Variants in CEP70 observed in about 807,000 individuals in gnomAD.
CEP70 encodes centrosomal protein 70.
A neutral mutation model predicts 90.9 loss-of-function variants in CEP70; 70 were observed. The ratio of observed to expected loss-of-function variants is 0.77; its 90% CI spans 0.64 to 0.94. CEP70 has a LOEUF of 0.94. Among genes scored for constraint, CEP70 ranks in the 40% least tolerant of loss-of-function variants. The probability of loss-of-function intolerance (pLI) is 0.00; values close to 1 mark genes in which losing one functional copy is unlikely to be tolerated. For missense variants in CEP70, 648 were observed against 669.0 expected (o/e 0.97, Z 0.35); for synonymous variants, 220 against 228.3 (o/e 0.96, Z 0.33).
intron 11 of CEP70, among the ~76,000 whole-genome samples, chr3:138,521,663 G>T (rs957120023): frequency 6.6e-6 from 1 of 151,290 alleles, no homozygotes; most frequent in African/African-American, 2.4e-5. Flanking sequence ...ACCCCGTCTG[G>T]GAACTGAGGA....
intron 6 of CEP70, among the ~76,000 whole-genome samples, chr3:138,554,015 G>A (rs778650820): frequency 1.3e-5 from 2 of 151,818 alleles, no homozygotes; most frequent in Non-Finnish European, 2.9e-5. Context: ...TGGCCAACAT[G>A]GTGAATGAAA....
Position 138,494,891 on chromosome 3 carries a change from T to TAAG in CEP70, c.*121_*123dup. 1.6e-6 allele frequency: 1 copy of TAAG among 617,710 alleles called. No homozygotes were observed. The highest frequency in any genetic ancestry group is 2.9e-5 in the East Asian group (1 of 35,058). 38.3% of individuals were successfully genotyped at this position (617,710 alleles called of 1,614,324 possible). On this transcript the variant is annotated 3_prime_UTR_variant, in exon 18 of 18. Coordinates refer to ENST00000264982, the MANE Select transcript of CEP70 (RefSeq NM_024491.4). Reference sequence around the variant, plus strand: ...ATACAGATGAAGAATGACCTAATACTAAGAAGGGGATGAATTCTGAGAGCA... The same window carrying TAAG: ...ATACAGATGAAGAATGACCTAATACTAAGAAGAAGGGGATGAATTCTGAGAGCA...
intron 11 of CEP70, among the ~76,000 whole-genome samples, chr3:138,517,530 G>A (rs943327154): frequency 9.8e-5 from 15 of 152,320 alleles, no homozygotes; most frequent in African/African-American, 3.4e-4. Context: ...TTAGCCAGGG[G>A]TGGTGGCAGG....
intron 10 of CEP70, among the ~76,000 whole-genome samples, chr3:138,527,913 A>C (rs960422518): frequency 6.6e-6 from 1 of 151,820 alleles, no homozygotes; most frequent in East Asian, 1.9e-4. Context: ...TAACTGTTTC[A>C]TAGGTGTATA....
chr3:138,536,660 TAAG>T (rs1293257791), intron 7 of CEP70, among the ~76,000 whole-genome samples: 1 of 151,806 alleles, frequency 6.6e-6, no homozygotes, highest in Non-Finnish European at 1.5e-5. Flanking sequence ...ATATTGTTCT[TAAG>T]AATGATTTTC....
chr3:138,546,296 T>C (rs1176143220), intron 6 of CEP70, among the ~76,000 whole-genome samples: 1 of 152,190 alleles, frequency 6.6e-6, no homozygotes, highest in African/African-American at 2.4e-5. Flanking sequence ...AGCTAGTATG[T>C]ATCAATAAAA....
intron 10 of CEP70, among the ~76,000 whole-genome samples, chr3:138,526,044 CAT>C (rs1384975246): frequency 6.6e-6 from 1 of 152,168 alleles, no homozygotes; most frequent in African/African-American, 2.4e-5. Flanking sequence ...ATTTTTACTA[CAT>C]ATTTATATAA....
rs575230573 is a variant in CEP70 at position 138,555,332 on chromosome 3, T to C, written c.465+14986A>G. On this transcript the variant is annotated intron_variant, in intron 6 of 17. Coordinates refer to ENST00000264982, the MANE Select transcript of CEP70 (RefSeq NM_024491.4). ...CCTAAACCATAAAAATTCTAGAATA[T>C]AGTATCAGAAAAACCCTTCTAGACA... 4.0e-5 allele frequency among the ~76,000 whole-genome samples: 6 copies of C among 150,406 alleles called. No individual in the cohort carries two copies. The East Asian group carries it at 9.8e-4, about 25-fold the overall frequency.
chr3:138,565,232 G>A (rs1435331485), intron 6 of CEP70, among the ~76,000 whole-genome samples: 1 of 152,168 alleles, frequency 6.6e-6, no homozygotes, highest in Non-Finnish European at 1.5e-5. Context: ...CATGCTCATA[G>A]ATAGGAAGAA....
intron 6 of CEP70, among the ~76,000 whole-genome samples, chr3:138,544,990 T>C (rs1470772534): frequency 1.3e-5 from 2 of 152,184 alleles, no homozygotes; most frequent in African/African-American, 2.4e-5. Context: ...ATGTAGTATA[T>C]GATAGCACAG....
chr3:138,516,797 CAT>C (rs35255671), intron 11 of CEP70, among the ~76,000 whole-genome samples: 6,454 of 152,272 alleles, frequency 0.042, 474 homozygotes, highest in East Asian at 0.38. Context: ...AAAACTGAAT[CAT>C]ATATGCTAAT....
intron 11 of CEP70, among the ~76,000 whole-genome samples, chr3:138,524,771 C>G (rs2037038007): frequency 6.6e-6 from 1 of 152,146 alleles, no homozygotes. Flanking sequence ...ACAACAGGTG[C>G]TGGAGAGGAT....
chr3:138,545,512 A>G (rs2039115632), intron 6 of CEP70, among the ~76,000 whole-genome samples: 1 of 152,200 alleles, frequency 6.6e-6, no homozygotes, highest in Non-Finnish European at 1.5e-5. Flanking sequence ...ATATGAAATC[A>G]GTGCACCTTG....
chr3:138,514,781 G>C (rs9848718), intron 11 of CEP70, among the ~76,000 whole-genome samples: 61,952 of 151,682 alleles, frequency 0.41, 13,206 homozygotes, highest in Non-Finnish European at 0.45. Flanking sequence ...TGGTAGCTAA[G>C]AGTATAAGTT....
chr3:138,554,845 T>TC (rs1481194405), intron 6 of CEP70, among the ~76,000 whole-genome samples: 1 of 152,232 alleles, frequency 6.6e-6, no homozygotes, highest in Non-Finnish European at 1.5e-5. Flanking sequence ...GATGATTTTT[T>TC]CCCACTCTGT....
At chr3:138,549,532 C>T (rs942542461) in intron 6 of CEP70, among the ~76,000 whole-genome samples, 7 of 152,050 alleles carry the variant, frequency 4.6e-5, no homozygotes, top group African/African-American at 1.2e-4. Flanking sequence ...ACCCATACCC[C>T]CATGCCCCAC....
intron 6 of CEP70, among the ~76,000 whole-genome samples, chr3:138,568,854 C>G (rs2040962916): frequency 1.3e-5 from 2 of 152,016 alleles, no homozygotes; most frequent in Non-Finnish European, 2.9e-5. Flanking sequence ...TGGTGCATGC[C>G]TGTAGTCCCA....
chr3:138,578,759 G>T (rs929279348), intron 2 of CEP70, among the ~76,000 whole-genome samples: 1 of 152,210 alleles, frequency 6.6e-6, no homozygotes, highest in Non-Finnish European at 1.5e-5. Context: ...TTACATAAAA[G>T]TGAGCAAAGA....
intron 6 of CEP70, among the ~76,000 whole-genome samples, chr3:138,545,934 C>T (rs1294496586): frequency 6.6e-6 from 1 of 152,150 alleles, no homozygotes; most frequent in Non-Finnish European, 1.5e-5. Context: ...AATATGTGCA[C>T]AGCTGAACAC....
Sources: gnomAD v4.1 joint callset for allele counts (sites outside exome capture counted in the v4.1 genomes callset) on GRCh38, gnomAD v4.1.1 for gene constraint, MANE v1.5 for transcripts, NCBI Gene and HGNC (gene_info 2026-07-23, HGNC 2026-07-21) for gene names.